SYNE1: variants seen among roughly 807,000 people sequenced by gnomAD.
SYNE1 encodes nesprin-1.
A neutral mutation model predicts 1,111.0 loss-of-function variants in SYNE1; 616 were observed. The ratio of observed to expected loss-of-function variants is 0.55; its 90% confidence interval spans 0.52 to 0.59. The LOEUF is 0.59. Among genes scored for constraint, SYNE1 ranks in the 20% least tolerant of loss-of-function variants. SYNE1 has a pLI of 0.00. For missense variants in SYNE1, 10,006 were observed against 10,417.0 expected, an observed-to-expected ratio of 0.96 and a Z score of 1.72; for synonymous variants, 3,855 against 3,825.8, an observed-to-expected ratio of 1.01 and a Z score of -0.28.
At chr6:152,302,512 T>C (rs914085536) in intron 91 of SYNE1, among the ~76,000 whole-genome samples, 1 of 152,234 alleles carries the variant, frequency 6.6e-6, no homozygotes, top group Admixed American at 6.5e-5. Flanking sequence ...CTTACCCTAC[T>C]GAGTACATTC....
At chr6:152,531,291 G>A (rs1412142990) in intron 4 of SYNE1, among the ~76,000 whole-genome samples, 2 of 152,144 alleles carry the variant, frequency 1.3e-5, no homozygotes, top group Non-Finnish European at 2.9e-5. Flanking sequence ...AAAATTGGCT[G>A]TCACACCTCA....
intron 139 of SYNE1, 150 bp downstream of exon 139, chr6:152,141,053 A>C: frequency 8.4e-7 from 1 of 1,189,040 alleles, no homozygotes; most frequent in Non-Finnish European, 1.2e-6. Context: ...AACAAACAAC[A>C]AAAAAGGAGA....
intron 3 of SYNE1, chr6:152,546,763 C>T (rs1830219): frequency 0.6 from 91,387 of 152,000 alleles, 28,306 homozygotes; most frequent in East Asian, 0.74. Context: ...TCACCCTTTT[C>T]GGCTCTGTTT....
intron 41 of SYNE1, 96 bp from the exon 42 acceptor site, chr6:152,413,627 T>TC: frequency 1.6e-6 from 2 of 1,217,630 alleles, no homozygotes; most frequent in Non-Finnish European, 2.4e-6. Context: ...AAAGCACTCA[T>TC]TTAGACAGCT....
chr6:152,486,109 C>A (rs1017269564), intron 12 of SYNE1, among the ~76,000 whole-genome samples: 6 of 151,918 alleles, frequency 3.9e-5, no homozygotes, highest in African/African-American at 1.5e-4. Context: ...GCAGGAGAAT[C>A]GCTTGAGCCT....
intron 130 of SYNE1, among the ~76,000 whole-genome samples, chr6:152,165,831 G>A (rs1328129431): frequency 6.6e-6 from 1 of 152,232 alleles, no homozygotes; most frequent in Admixed American, 6.5e-5. Context: ...GTGAATGACA[G>A]TTTTATTATG....
At chr6:152,153,893 A>G (rs531522414) in intron 133 of SYNE1, among the ~76,000 whole-genome samples, 1 of 152,356 alleles carries the variant, frequency 6.6e-6, no homozygotes, top group Non-Finnish European at 1.5e-5. Context: ...TTTAAACTCC[A>G]TAAGAATAAA....
At chr6:152,443,012 T>TGG (rs2098546385) in intron 30 of SYNE1, among the ~76,000 whole-genome samples, 1 of 152,136 alleles carries the variant, frequency 6.6e-6, no homozygotes, top group African/African-American at 2.4e-5. Context: ...TGAGATTTTG[T>TGG]GGGGGGAAAT....
At chr6:152,530,967 C>T in intron 4 of SYNE1, among the ~76,000 whole-genome samples, 1 of 144,694 alleles carries the variant, frequency 6.9e-6, no homozygotes, top group Admixed American at 6.7e-5. Context: ...CATGAATCAT[C>T]CCTTTGCCCA....
chr6:152,286,387 G>A (rs116135982), intron 95 of SYNE1, among the ~76,000 whole-genome samples: 1,990 of 152,204 alleles, frequency 0.013, 51 homozygotes, highest in African/African-American at 0.046. Flanking sequence ...AGTCATACAC[G>A]ATGCACTGCT....
At chr6:152,146,510 A>G (rs2059539175) in intron 137 of SYNE1, 1 of 152,192 alleles carries the variant, frequency 6.6e-6, no homozygotes, top group African/African-American at 2.4e-5. Flanking sequence ...AACAGTCCCA[A>G]CTGGCCAGTG....
chr6:152,518,784 T>C (rs1193518363), intron 6 of SYNE1, among the ~76,000 whole-genome samples: 1 of 152,070 alleles, frequency 6.6e-6, no homozygotes, highest in Non-Finnish European at 1.5e-5. Flanking sequence ...GGTATTAGTC[T>C]GAACTAATGT....
At chr6:152,222,535 T>A (rs1301940799) in intron 117 of SYNE1, among the ~76,000 whole-genome samples, 1 of 152,246 alleles carries the variant, frequency 6.6e-6, no homozygotes, top group Non-Finnish European at 1.5e-5. Context: ...CTTAAAAAAA[T>A]GATTTTCAAT....
chr6:152,503,019 G>T (rs545706863), intron 9 of SYNE1, among the ~76,000 whole-genome samples: 1 of 152,212 alleles, frequency 6.6e-6, no homozygotes, highest in Admixed American at 6.5e-5. Flanking sequence ...TATCTCATGA[G>T]ACAGTATCTC....
chr6:152,323,649 G>C lies in SYNE1; in HGVS notation c.15746C>G (p.Thr5249Ser). 6.2e-7 allele frequency: 1 copy of C among 1,614,250 alleles called. No individual in the cohort carries two copies. Among genetic ancestry groups the C allele is most frequent in the Non-Finnish European group, 8.5e-7 (1 of 1,180,050 alleles). The change falls in exon 82 of 146, where the codon ACT (threonine) becomes AGT (serine). Residue 5249 changes from threonine to serine, a missense_variant. By Grantham distance (58) the Thr-to-Ser change is moderately conservative (BLOSUM62 1). Around this residue, in one of 7 missense-constraint regions of SYNE1, gnomAD observed 4,955 missense variants for 5,017.2 expected, o/e 0.99. Coordinates refer to ENST00000367255, the MANE Select transcript of SYNE1 (RefSeq NM_182961.4). ...GAACGTGTCGTGGTATTCAAGAAGAGTTAAGAGCTCTGCTTTCGATGCTTT... is the reference window on the plus strand; with the variant it reads ...GAACGTGTCGTGGTATTCAAGAAGACTTAAGAGCTCTGCTTTCGATGCTTT... ...AEKASKAELL[T>S]LLEYHDTFVL...
intron 145 of SYNE1, 131 bp downstream of exon 145, chr6:152,130,589 G>T: frequency 2.4e-6 from 2 of 848,968 alleles, no homozygotes; most frequent in South Asian, 1.4e-5. Flanking sequence ...ATGAGGAAAG[G>T]GTGTGGACTG....
At chr6:152,516,559 T>C (rs2099112776) in intron 6 of SYNE1, among the ~76,000 whole-genome samples, 1 of 152,124 alleles carries the variant, frequency 6.6e-6, no homozygotes, top group Non-Finnish European at 1.5e-5. Context: ...GGAGAATGAA[T>C]GACCTGAAAA....
In SYNE1 at chr6:152,186,581, AAAAAAAAAAAAAAAAG is replaced by A. The variant is rs1311093389; in HGVS notation, c.23301+2655_23301+2670del. On this transcript the variant is annotated intron_variant, in intron 128 of 145. Coordinates refer to ENST00000367255, the MANE Select transcript of SYNE1 (RefSeq NM_182961.4). ...CAAAAAAAAAAAAAAAAAAAAAAAA[AAAAAAAAAAAAAAAAG>A]AAGAAGAAGAAAATTAGAAGGGAAG... Among the ~76,000 whole-genome samples, 663 of 145,066 alleles carry A rather than the reference AAAAAAAAAAAAAAAAG, an allele frequency of 4.6e-3. 10 individuals carry two copies. The highest frequency in any genetic ancestry group is 0.036 in the East Asian group (172 of 4,794).
At chr6:152,585,811 G>A (rs17082846) in intron 3 of SYNE1, among the ~76,000 whole-genome samples, 3,317 of 152,220 alleles carry the variant, frequency 0.022, 128 homozygotes, top group African/African-American at 0.076. Context: ...AAGCCATATG[G>A]AATCGTAAAA....
Sources: gnomAD v4.1 joint callset for allele counts (sites outside exome capture counted in the v4.1 genomes callset) on GRCh38, gnomAD v4.1.1 for gene constraint, gnomAD v4.1.1 regional missense constraint, MANE v1.5 for transcripts, NCBI Gene and HGNC (gene_info 2026-07-23, HGNC 2026-07-21) for gene names.